Variants in CPAMD8 observed in about 807,000 individuals in gnomAD.
CPAMD8 encodes the protein C3 and PZP-like alpha-2-macroglobulin domain-containing protein 8.
In CPAMD8, 146 loss-of-function variants were observed where a neutral mutation model predicts 224.7. The observed-to-expected ratio is 0.65, with a 90% CI of 0.57 to 0.75. CPAMD8 has a LOEUF of 0.75. Among genes scored for constraint, CPAMD8 ranks in the 30% least tolerant of loss-of-function variants. The pLI is 0.00. For missense variants in CPAMD8, 2,301 were observed against 2,537.5 expected (o/e 0.91, Z 2.00); for synonymous variants, 966 against 1,044.6 (o/e 0.92, Z 1.45).
chr19:16,953,960 A>G (rs2054380593), intron 19 of CPAMD8, among the ~76,000 whole-genome samples: 1 of 152,154 alleles, frequency 6.6e-6, no homozygotes, highest in Non-Finnish European at 1.5e-5. Context: ...GATATTAAAA[A>G]AGAAAAGGCA....
rs2055321353 is a variant in CPAMD8 at position 16,977,446 on chromosome 19, C to T, written c.1680G>A (p.Leu560=). ...TPSMVPLGRL[L]VFYVRENGEG... is the part of the protein sequence containing the mutation. ...CTCCATTCTCCCTGACGTAGAAGAC[C>T]AGCAGGCGACCAAGGGGGACCATGC... Residue 560 remains leucine, a synonymous_variant, in exon 15 of 42, where the codon CTG becomes CTA. Coordinates refer to ENST00000443236, the MANE Select transcript of CPAMD8 (RefSeq NM_015692.5). 1 of 1,612,164 alleles carries T rather than the reference C, an allele frequency of 6.2e-7. No homozygotes were observed. The highest frequency in any genetic ancestry group is 8.5e-7 in the Non-Finnish European group (1 of 1,178,836).
At chr19:16,979,454 C>CCATTTATCTAT (rs1271694098) in intron 14 of CPAMD8, among the ~76,000 whole-genome samples, 1 of 151,588 alleles carries the variant, frequency 6.6e-6, no homozygotes, top group African/African-American at 2.4e-5. Context: ...ATCAATCCAC[C>CCATTTATCTAT]CATCCATCTG....
Position 16,893,233 on chromosome 19 carries a change from G to A in CPAMD8, c.5533C>T (p.His1845Tyr), listed in dbSNP as rs1441041687. 18 of 1,584,128 alleles carry A rather than the reference G, an allele frequency of 1.1e-5. No individual in the cohort carries two copies. Among genetic ancestry groups the A allele is most frequent in the Non-Finnish European group, 7.7e-6 (9 of 1,164,044 alleles). The change falls in exon 42 of 42, where the codon CAT becomes TAT. Residue 1845 changes from histidine (H) to tyrosine (Y), a missense_variant. His to Tyr is a moderately conservative substitution (Grantham distance 83). Around this residue, in one of 4 missense-constraint regions of CPAMD8, gnomAD observed 1,709 missense variants for 1,753.2 expected, o/e 0.97. Transcript: ENST00000443236. ...TGGGCCCCCACCACCCGGCCACTAT[G>A]TCTCTGAGGGGCCGGAGTCTGGCCC... Reference protein sequence around the residue: ...RWGQTPAPQRHSGRVVGAHRP... With the variant: ...RWGQTPAPQRYSGRVVGAHRP...
At chr19:16,938,480 G>A in intron 22 of CPAMD8, 34 bp from the exon 23 acceptor site, 1 of 1,323,752 alleles carries the variant, frequency 7.6e-7, no homozygotes, top group Non-Finnish European at 1.1e-6. Context: ...CTGAGTGCTG[G>A]GGCGGTGAGG....
intron 3 of CPAMD8, among the ~76,000 whole-genome samples, chr19:17,012,583 A>C (rs951967139): frequency 6.6e-6 from 1 of 152,060 alleles, no homozygotes; most frequent in African/African-American, 2.4e-5. Context: ...TCCTGGGCTC[A>C]AGCGATCCTC....
intron 10 of CPAMD8, 90 bp downstream of exon 10, chr19:17,000,324 T>A (rs1457112179): frequency 1.6e-6 from 1 of 623,660 alleles, no homozygotes; most frequent in East Asian, 2.8e-5. Flanking sequence ...AATAAAATAA[T>A]AACAATAAGA....
chr19:16,914,135 G>A (rs972166238), intron 29 of CPAMD8, among the ~76,000 whole-genome samples: 7 of 152,160 alleles, frequency 4.6e-5, no homozygotes, highest in Admixed American at 4.6e-4. Flanking sequence ...TCTGAAGGAG[G>A]TCTAGGGGCT....
chr19:16,994,515 CTT>C (rs71180347), intron 11 of CPAMD8, among the ~76,000 whole-genome samples: 21 of 105,290 alleles, frequency 2.0e-4, no homozygotes, highest in African/African-American at 4.6e-4. Context: ...TAACCACTCC[CTT>C]TTTTTTTTTT....
At chr19:16,902,884 G>A (rs1025983753) in intron 34 of CPAMD8, 21 bp from the exon 35 acceptor site, 1 of 1,490,222 alleles carries the variant, frequency 6.7e-7, no homozygotes, top group Non-Finnish European at 9.0e-7. Context: ...TTGGAGGATG[G>A]AGGCTTAGGG....
At chr19:16,926,507 G>C (rs1342899420) in intron 25 of CPAMD8, among the ~76,000 whole-genome samples, 1 of 151,928 alleles carries the variant, frequency 6.6e-6, no homozygotes, top group Non-Finnish European at 1.5e-5. Context: ...TAGAAGAGAC[G>C]AGCTTTCTCC....
intron 20 of CPAMD8, among the ~76,000 whole-genome samples, chr19:16,947,538 T>A (rs2054146841): frequency 1.3e-5 from 2 of 152,122 alleles, no homozygotes; most frequent in Admixed American, 6.5e-5. Context: ...CAGGGCTGCC[T>A]CTCCTGCATG....
intron 2 of CPAMD8, among the ~76,000 whole-genome samples, chr19:17,021,227 A>T (rs1403873040): frequency 2.0e-5 from 3 of 152,178 alleles, no homozygotes; most frequent in Admixed American, 6.6e-5. Flanking sequence ...CAGCAATACC[A>T]GTGGACTTTC....
intron 20 of CPAMD8, among the ~76,000 whole-genome samples, chr19:16,948,369 C>T (rs562996904): frequency 6.6e-6 from 1 of 152,238 alleles, no homozygotes; most frequent in East Asian, 1.9e-4. Context: ...AAAGGAAAGG[C>T]CCAGCTAGAT....
At chr19:16,995,378 C>T (rs901387434) in intron 11 of CPAMD8, among the ~76,000 whole-genome samples, 1 of 152,140 alleles carries the variant, frequency 6.6e-6, no homozygotes, top group East Asian at 1.9e-4. Context: ...GGTGAAGATG[C>T]CCCAGGTTTG....
At chr19:17,004,466 G>T in intron 7 of CPAMD8, 80 bp from the exon 8 acceptor site, 1 of 887,016 alleles carries the variant, frequency 1.1e-6, no homozygotes, top group Non-Finnish European at 1.8e-6. Context: ...CCAGGACCCT[G>T]CTCCTTCTCC....
At position 16,945,600 on chromosome 19, in the gene CPAMD8, G is replaced by A. The variant is rs1416225250; in HGVS notation, c.2742C>T (p.Asp914=). Residue 914 remains aspartate, a synonymous_variant, in exon 22 of 42, where the codon GAC becomes GAT. Coordinates refer to ENST00000443236, the MANE Select transcript of CPAMD8 (RefSeq NM_015692.5). ...SSKHPEENHA[D]RRVPIGVDHV... ...GATCCACCCCGATGGGGACCCTCCT[G>A]TCGGCGTGATTCTCCTCAGGGTGTT... 1 of 1,614,096 alleles carries A rather than the reference G, an allele frequency of 6.2e-7. No homozygotes were observed. The highest frequency in any genetic ancestry group is 8.5e-7 in the Non-Finnish European group (1 of 1,180,036).
rs200478115 is a variant in CPAMD8, at chr19:16,980,614, C to T, written c.1468G>A (p.Ala490Thr). 3.0e-5 allele frequency: 48 copies of T among 1,609,012 alleles called. No individual in the cohort carries two copies. The African/African-American group carries it at 5.6e-4, about 19-fold the overall frequency. Residue 490 changes from alanine (A) to threonine (T), a missense_variant, in exon 14 of 42, where the codon GCA becomes ACA. Transcript: ENST00000443236. ...CCCGATAGCACAATATTGCCCCGTG[C>T]AGCCACCTCGTAGTACAGGGTAAAG... is the stretch of plus-strand genomic sequence containing the variant. ...CNFTLYYEVA[A>T]RGNIVLSGQQ...
intron 12 of CPAMD8, among the ~76,000 whole-genome samples, chr19:16,990,421 A>C (rs2055898164): frequency 1.3e-5 from 2 of 151,846 alleles, no homozygotes; most frequent in Admixed American, 1.3e-4. Flanking sequence ...GTCTCTACAA[A>C]AAATTTGTGC....
chr19:16,983,165 G>A (rs1228618325), intron 13 of CPAMD8, among the ~76,000 whole-genome samples: 2 of 152,160 alleles, frequency 1.3e-5, no homozygotes, highest in Non-Finnish European at 2.9e-5. Flanking sequence ...TACTTTGGGA[G>A]GCCAAGGCAA....
Sources: allele counts gnomAD v4.1 joint callset (sites outside exome capture counted in the v4.1 genomes callset), GRCh38; gene constraint gnomAD v4.1.1; regional missense constraint gnomAD v4.1.1; transcripts MANE v1.5; gene names NCBI Gene and HGNC (gene_info 2026-07-23, HGNC 2026-07-21).